SLC22A23: variants seen among roughly 807,000 people sequenced by gnomAD.
The protein encoded by SLC22A23 is ion transporter protein.
SLC22A23 carries 26 observed loss-of-function variants against 61.0 expected under a neutral mutation model. That is an observed-to-expected ratio of 0.43 (90% CI 0.31 to 0.59). The LOEUF (loss-of-function observed/expected upper bound fraction) is 0.59. Ranked by LOEUF, SLC22A23 falls within the 20% of genes least tolerant of loss-of-function variation. The probability of loss-of-function intolerance (pLI) is 0.11; values close to 1 mark genes in which losing one functional copy is unlikely to be tolerated. For synonymous variants in SLC22A23, 430 were observed against 413.9 expected, an observed-to-expected ratio of 1.04 and a Z score of -0.47; for missense variants, 796 against 934.7, an observed-to-expected ratio of 0.85 and a Z score of 1.94.
intron 1 of SLC22A23, among the ~76,000 whole-genome samples, chr6:3,453,889 A>G (rs1772269720): frequency 6.6e-6 from 1 of 152,216 alleles, no homozygotes; most frequent in African/African-American, 2.4e-5. Context: ...ACCATAGTGT[A>G]CATCCCACAT....
chr6:3,425,923 G>T (rs951227477), intron 1 of SLC22A23, among the ~76,000 whole-genome samples: 2 of 152,048 alleles, frequency 1.3e-5, no homozygotes, highest in African/African-American at 4.8e-5. Context: ...ACAATTCTCT[G>T]GTTTATATTA....
intron 1 of SLC22A23, among the ~76,000 whole-genome samples, chr6:3,442,905 T>A (rs964874100): frequency 6.6e-6 from 1 of 152,128 alleles, no homozygotes; most frequent in African/African-American, 2.4e-5. Flanking sequence ...AGCTCTTTGG[T>A]TCTCTGTTCA....
intron 3 of SLC22A23, among the ~76,000 whole-genome samples, chr6:3,401,014 T>C (rs1768349523): frequency 6.6e-6 from 1 of 152,190 alleles, no homozygotes; most frequent in Non-Finnish European, 1.5e-5. Context: ...TGCACAACAA[T>C]GGAAATATAT....
Position 3,317,890 on chromosome 6 carries a change from G to C in SLC22A23, c.1082+5944C>G, listed in dbSNP as rs1762732359. Among the ~76,000 whole-genome samples the C allele has an allele frequency of 6.6e-6, 1 of 152,136 alleles. No homozygotes were observed. The highest frequency in any genetic ancestry group is 2.1e-4 in the South Asian group (1 of 4,826). On this transcript the variant is annotated intron_variant, in intron 4 of 9. Coordinates refer to ENST00000406686, the MANE Select transcript of SLC22A23 (RefSeq NM_015482.2). This position sits in a 1 kb window ranked among gnomAD's most constrained non-coding sequence, Gnocchi z 4.4. ...CAGCTCTTCCTTCACCTAAAGCCCA[G>C]CCGATCCTGCCATGGCCCAGAAGGC...
intron 3 of SLC22A23, among the ~76,000 whole-genome samples, chr6:3,359,669 T>C (rs945815994): frequency 4.6e-5 from 7 of 152,214 alleles, no homozygotes; most frequent in Non-Finnish European, 1.0e-4. Flanking sequence ...AACAGAGGAT[T>C]ACCATCTGAC....
intron 5 of SLC22A23, among the ~76,000 whole-genome samples, chr6:3,292,686 C>A (rs1760715200): frequency 6.6e-6 from 1 of 152,220 alleles, no homozygotes; most frequent in African/African-American, 2.4e-5. Context: ...CTGTGAGGGG[C>A]CCGATGAGCC....
At chr6:3,362,886 C>T (rs1765570988) in intron 3 of SLC22A23, among the ~76,000 whole-genome samples, 7 of 152,204 alleles carry the variant, frequency 4.6e-5, no homozygotes, top group Admixed American at 4.6e-4. Context: ...TGTCCTGTGC[C>T]AGCTTTTGCC....
At chr6:3,340,435 G>T (rs6925949) in intron 3 of SLC22A23, among the ~76,000 whole-genome samples, 1 of 151,992 alleles carries the variant, frequency 6.6e-6, no homozygotes, top group African/African-American at 2.4e-5. Flanking sequence ...ATACGTAACC[G>T]CAGCAGAGTC....
At chr6:3,343,638 A>G (rs1161570793) in intron 3 of SLC22A23, among the ~76,000 whole-genome samples, 2 of 152,240 alleles carry the variant, frequency 1.3e-5, no homozygotes, top group Admixed American at 1.3e-4. Flanking sequence ...TCGAGACGTA[A>G]TTAAATACTC....
At chr6:3,287,954 G>A (rs1760203410) in intron 6 of SLC22A23, among the ~76,000 whole-genome samples, 1 of 152,104 alleles carries the variant, frequency 6.6e-6, no homozygotes, top group South Asian at 2.1e-4. Context: ...CAAAGTGTTG[G>A]GATTACAGGT....
At chr6:3,452,823 A>T (rs867582417) in intron 1 of SLC22A23, among the ~76,000 whole-genome samples, 32 of 152,198 alleles carry the variant, frequency 2.1e-4, no homozygotes, top group Admixed American at 1.5e-3. Context: ...AAGGCAAAAA[A>T]TAAAAAGATC....
At position 3,333,095 on chromosome 6, in the gene SLC22A23, A is replaced by C. The variant is rs892817596; in HGVS notation, c.914-9093T>G. Among the ~76,000 whole-genome samples the C allele has an allele frequency of 1.3e-5, 2 of 152,170 alleles. No homozygotes were observed. Among genetic ancestry groups the C allele is most frequent in the African/African-American group, 2.4e-5 (1 of 41,440 alleles). On this transcript the variant is annotated intron_variant, in intron 3 of 9. Coordinates refer to ENST00000406686, the MANE Select transcript of SLC22A23 (RefSeq NM_015482.2). This position sits in a 1 kb window ranked among gnomAD's most constrained non-coding sequence, Gnocchi z 4.1. ...ACGCTACCACTGACCCATGGAGCAAAGCGGCGGCGCCTCAGCCTCCCATCC... is the reference window on the plus strand; with the variant it reads ...ACGCTACCACTGACCCATGGAGCAACGCGGCGGCGCCTCAGCCTCCCATCC...
At chr6:3,298,018 C>G in intron 5 of SLC22A23, 73 bp downstream of exon 5, 1 of 1,429,204 alleles carries the variant, frequency 7.0e-7, no homozygotes, top group Non-Finnish European at 9.1e-7. Context: ...GTTTGTGCAA[C>G]AAAACCAGCC....
At chr6:3,444,224 C>G (rs912137442) in intron 1 of SLC22A23, among the ~76,000 whole-genome samples, 1 of 152,122 alleles carries the variant, frequency 6.6e-6, no homozygotes, top group Non-Finnish European at 1.5e-5. Context: ...CTGTCAATCT[C>G]TAAATCACTT....
intron 3 of SLC22A23, among the ~76,000 whole-genome samples, chr6:3,347,061 A>T (rs898618276): frequency 2.0e-5 from 3 of 151,928 alleles, no homozygotes; most frequent in African/African-American, 7.3e-5. Flanking sequence ...GTTTTTTTTT[A>T]AATGGTTATC....
Position 3,414,504 on chromosome 6 carries a change from T to C in SLC22A23, c.758+1248A>G, listed in dbSNP as rs1272336925. Among the ~76,000 whole-genome samples the C allele has an allele frequency of 6.6e-6, 1 of 151,986 alleles. No individual in the cohort carries two copies. Among genetic ancestry groups the C allele is most frequent in the African/African-American group, 2.4e-5 (1 of 41,388 alleles). ...AGGCAGATGTCAAGCACACAGGAAA[T>C]CACATTACATGTCAGCTCAAGGAAC... On this transcript the variant is annotated intron_variant, in intron 2 of 9. Coordinates refer to ENST00000406686, the MANE Select transcript of SLC22A23 (RefSeq NM_015482.2). This position sits in a 1 kb window ranked among gnomAD's most constrained non-coding sequence, Gnocchi z 5.1.
intron 3 of SLC22A23, among the ~76,000 whole-genome samples, chr6:3,381,224 T>A (rs940430905): frequency 1.3e-5 from 2 of 151,620 alleles, no homozygotes; most frequent in African/African-American, 4.8e-5. Flanking sequence ...GGACACCACA[T>A]CTCCCCAGCC....
Position 3,456,228 on chromosome 6 carries a change from C to A in SLC22A23, c.332G>T (p.Gly111Val), listed in dbSNP as rs943997820. 4 of 1,551,288 alleles carry A rather than the reference C, an allele frequency of 2.6e-6. No homozygotes were observed. The African/African-American group carries it at 5.5e-5, about 21-fold the overall frequency. ...GAACGAGTCCGAGAACTGGCTGAAG[C>A]CGATGAACAGCGCCGGGATCCAGGT... The part of the protein sequence containing the change: ...LLTWIPALFI[G>V]FSQFSDSFLL... The change falls in exon 1 of 10, where the codon GGC becomes GTC. Residue 111 changes from glycine to valine, a missense_variant. By Grantham distance (109) the Gly-to-Val change is moderately radical. Coordinates refer to ENST00000406686, the MANE Select transcript of SLC22A23 (RefSeq NM_015482.2). The surrounding 1 kb of genome is among the most constrained non-coding windows in gnomAD (Gnocchi z 7.1).
rs966429678 is a variant in SLC22A23, at chr6:3,273,906, G to A, written c.1704-494C>T. ...ACTTTCTCTTTGTCATAACTGGAGAGACTGCAAGATACTTTAAAAGAGTAG... is the reference window on the plus strand; with the variant it reads ...ACTTTCTCTTTGTCATAACTGGAGAAACTGCAAGATACTTTAAAAGAGTAG... On this transcript the variant is annotated intron_variant, in intron 9 of 9. Transcript: ENST00000406686. Among the ~76,000 whole-genome samples, 14 of 152,186 alleles carry A rather than the reference G, an allele frequency of 9.2e-5. No individual in the cohort carries two copies. In the East Asian group the frequency reaches 2.5e-3, roughly 27 times the overall value.
Sources: allele counts gnomAD v4.1 joint callset (sites outside exome capture counted in the v4.1 genomes callset), GRCh38; gene constraint gnomAD v4.1.1; non-coding constraint Gnocchi (gnomAD v3.1); transcripts MANE v1.5; gene names NCBI Gene and HGNC (gene_info 2026-07-23, HGNC 2026-07-21).